The following ELAVL4 variants were observed in gnomAD, a reference collection of about 807,000 sequenced individuals.
ELAVL4 encodes ELAV-like protein 4.
A neutral mutation model predicts 35.6 loss-of-function variants in ELAVL4; 1 was observed. The ratio of observed to expected loss-of-function variants is 0.03; its 90% confidence interval spans 0.01 to 0.13. ELAVL4 has a LOEUF of 0.13. Among genes scored for constraint, ELAVL4 ranks in the 10% least tolerant of loss-of-function variants. The pLI, the probability that ELAVL4 is intolerant of heterozygous loss-of-function variation, is 1.00. For synonymous variants in ELAVL4, 156 were observed against 171.0 expected (o/e 0.91, Z 0.69); for missense variants, 267 against 464.9 (o/e 0.57, Z 3.91).
At chr1:50,119,037 AAAGAAAGAAAGAAAG>A (rs1204483145) in intron 1 of ELAVL4, among the ~76,000 whole-genome samples, 2 of 18,506 alleles carry the variant, frequency 1.1e-4, no homozygotes, top group Non-Finnish European at 2.2e-4. Context: ...AAAGAAAGAA[AAAGAAAGAAAGAAAG>A]AAAGAAAGAA....
intron 4 of ELAVL4, among the ~76,000 whole-genome samples, chr1:50,195,064 G>A (rs1227710813): frequency 3.2e-5 from 1 of 30,836 alleles, no homozygotes; most frequent in Admixed American, 6.3e-4. Context: ...TGTAGGTTTT[G>A]TTTGTTTGTT....
chr1:50,174,021 G>A (rs1256217488), intron 2 of ELAVL4, among the ~76,000 whole-genome samples: 8 of 152,094 alleles, frequency 5.3e-5, no homozygotes, highest in Non-Finnish European at 1.2e-4. Flanking sequence ...GGTACACTTA[G>A]CATACAGAAC....
At chr1:50,197,397 CA>C in intron 5 of ELAVL4, 31 bp from the exon 6 acceptor site, 1 of 1,567,298 alleles carries the variant, frequency 6.4e-7, no homozygotes, top group Non-Finnish European at 8.6e-7. Flanking sequence ...ATCTGTGAGG[CA>C]TTAACCCAGA....
intron 1 of ELAVL4, among the ~76,000 whole-genome samples, chr1:50,049,566 T>C (rs1479446164): frequency 6.6e-6 from 1 of 152,212 alleles, no homozygotes; most frequent in Non-Finnish European, 1.5e-5. Context: ...ATGACACCAC[T>C]TGCTTCCTTA....
chr1:50,185,582 CAG>C (rs146177186), intron 3 of ELAVL4, among the ~76,000 whole-genome samples: 120 of 152,232 alleles, frequency 7.9e-4, no homozygotes, highest in African/African-American at 2.7e-3. Flanking sequence ...CTCACTGAGC[CAG>C]AGTTTGTCAT....
At chr1:50,175,377 C>T (rs1291046406) in intron 2 of ELAVL4, 1 of 134,842 alleles carries the variant, frequency 7.4e-6, no homozygotes, top group Non-Finnish European at 1.6e-5. Context: ...CCCCCTGCCC[C>T]CACCACACGT....
At chr1:50,177,753 A>G (rs1167333736) in intron 3 of ELAVL4, among the ~76,000 whole-genome samples, 1 of 152,234 alleles carries the variant, frequency 6.6e-6, no homozygotes, top group Non-Finnish European at 1.5e-5. Flanking sequence ...AGCATCAGTT[A>G]TAAATAAACG....
intron 1 of ELAVL4, among the ~76,000 whole-genome samples, chr1:50,052,931 T>C (rs1663463480): frequency 6.6e-6 from 1 of 152,232 alleles, no homozygotes; most frequent in Non-Finnish European, 1.5e-5. Flanking sequence ...TTGCACAGCC[T>C]CTGAACAACT....
At chr1:50,102,591 A>C (rs1666045314), upstream of ELAVL4, among the ~76,000 whole-genome samples, 1 of 152,162 alleles carries the variant, frequency 6.6e-6, no homozygotes, top group Non-Finnish European at 1.5e-5. Flanking sequence ...CATTTTCAAA[A>C]ATTTATTAAA....
At chr1:50,051,540 C>A (rs1281049940) in intron 1 of ELAVL4, among the ~76,000 whole-genome samples, 2 of 152,086 alleles carry the variant, frequency 1.3e-5, no homozygotes, top group Non-Finnish European at 2.9e-5. Flanking sequence ...AAAAGTGGGG[C>A]AGTATATAAT....
chr1:50,088,912 A>G (rs910449617), intron 1 of ELAVL4, among the ~76,000 whole-genome samples: 24 of 80,604 alleles, frequency 3.0e-4, no homozygotes, highest in African/African-American at 1.2e-3. Flanking sequence ...ATCCATTCAA[A>G]TGACTGTGTT....
At chr1:50,078,827 G>A (rs756351905) in intron 1 of ELAVL4, among the ~76,000 whole-genome samples, 3 of 152,070 alleles carry the variant, frequency 2.0e-5, no homozygotes, top group South Asian at 2.1e-4. Flanking sequence ...CTCCATTCCC[G>A]TGCCTATCAC....
At chr1:50,053,680 C>T (rs1305685705) in intron 1 of ELAVL4, among the ~76,000 whole-genome samples, 2 of 152,146 alleles carry the variant, frequency 1.3e-5, no homozygotes, top group Non-Finnish European at 2.9e-5. Context: ...TGGTATGGAC[C>T]TGGCCCAGTT....
intron 1 of ELAVL4, among the ~76,000 whole-genome samples, chr1:50,120,480 G>T (rs542677201): frequency 2.6e-5 from 4 of 152,088 alleles, no homozygotes; most frequent in Non-Finnish European, 2.9e-5. Flanking sequence ...ATTTAGGAAG[G>T]TTCAGTTGTT....
chr1:50,126,098 G>A (rs1669866215), intron 1 of ELAVL4, among the ~76,000 whole-genome samples: 2 of 152,070 alleles, frequency 1.3e-5, no homozygotes, highest in Admixed American at 1.3e-4. Flanking sequence ...GTGCATTTTA[G>A]GTATTGGTAA....
chr1:50,135,390 C>T (rs1021168719), intron 1 of ELAVL4, among the ~76,000 whole-genome samples: 5 of 152,056 alleles, frequency 3.3e-5, no homozygotes, highest in Non-Finnish European at 7.4e-5. Flanking sequence ...TGAGTGTATA[C>T]GATTTATATG....
At chr1:50,187,331 A>G (rs1238751564) in intron 3 of ELAVL4, among the ~76,000 whole-genome samples, 1 of 152,196 alleles carries the variant, frequency 6.6e-6, no homozygotes, top group Non-Finnish European at 1.5e-5. Context: ...TATCAAAGCC[A>G]TTGTTTATTG....
chr1:50,169,653 G>A (rs1364875770), intron 2 of ELAVL4, among the ~76,000 whole-genome samples: 1 of 152,064 alleles, frequency 6.6e-6, no homozygotes, highest in African/African-American at 2.4e-5. Flanking sequence ...AAATATCTGT[G>A]GGATAAATGT....
chr1:50,129,596 A>G (rs1175500785), intron 1 of ELAVL4, among the ~76,000 whole-genome samples: 1 of 152,066 alleles, frequency 6.6e-6, no homozygotes, highest in Middle Eastern at 3.2e-3. Context: ...TTTTTTTAGA[A>G]TCCACATAGC....
Sources: allele counts gnomAD v4.1 joint callset (sites outside exome capture counted in the v4.1 genomes callset), GRCh38; gene constraint gnomAD v4.1.1; transcripts MANE v1.5; gene names NCBI Gene and HGNC (gene_info 2026-07-23, HGNC 2026-07-21).